The following MLLT10 variants were observed in gnomAD, a reference collection of about 807,000 sequenced individuals.
MLLT10 encodes protein AF-10.
Under a neutral mutation model 129.1 loss-of-function variants are expected in MLLT10, and 30 were observed. That is an observed-to-expected ratio of 0.23 (90% CI 0.17 to 0.32). The LOEUF (loss-of-function observed/expected upper bound fraction) is 0.32. MLLT10 is among the 10% of genes least tolerant of loss of function. MLLT10 has a pLI of 1.00. For synonymous variants in MLLT10, 490 were observed against 446.4 expected, an observed-to-expected ratio of 1.10 and a Z score of -1.23; for missense variants, 1,119 against 1,268.3, an observed-to-expected ratio of 0.88 and a Z score of 1.79.
chr10:21,704,407 A>T (rs2055290417), intron 13 of MLLT10, among the ~76,000 whole-genome samples: 1 of 149,130 alleles, frequency 6.7e-6, no homozygotes, highest in Non-Finnish European at 1.5e-5. Flanking sequence ...TACAGAATAA[A>T]AATAAATAAT....
intron 8 of MLLT10, among the ~76,000 whole-genome samples, chr10:21,624,426 A>AT (rs543672312): frequency 7.4e-4 from 105 of 142,834 alleles, no homozygotes; most frequent in African/African-American, 2.6e-3. Flanking sequence ...AAGAGGAAAA[A>AT]TAAAAAGGCC....
At chr10:21,646,532 A>G (rs114228891) in intron 8 of MLLT10, among the ~76,000 whole-genome samples, 4,429 of 151,164 alleles carry the variant, frequency 0.029, 212 homozygotes, top group African/African-American at 0.1. Context: ...ATAAGAGTCT[A>G]CCTTGTGCTT....
intron 3 of MLLT10, among the ~76,000 whole-genome samples, chr10:21,539,940 C>T (rs763861167): frequency 6.8e-6 from 1 of 147,648 alleles, no homozygotes; most frequent in Non-Finnish European, 1.5e-5. Flanking sequence ...GCAAGACTCT[C>T]AGGAAAGGAA....
At chr10:21,555,831 C>A (rs1436081383) in intron 3 of MLLT10, among the ~76,000 whole-genome samples, 1 of 151,246 alleles carries the variant, frequency 6.6e-6, no homozygotes, top group Non-Finnish European at 1.5e-5. Context: ...CGATGCCCAG[C>A]TAATTTTGTA....
intron 12 of MLLT10, among the ~76,000 whole-genome samples, chr10:21,681,996 A>T (rs2052786802): frequency 6.6e-6 from 1 of 152,216 alleles, no homozygotes; most frequent in African/African-American, 2.4e-5. Context: ...ATGACAATAT[A>T]CCTTAACATA....
At chr10:21,570,167 C>T (rs2040045988) in intron 3 of MLLT10, among the ~76,000 whole-genome samples, 1 of 152,100 alleles carries the variant, frequency 6.6e-6, no homozygotes, top group Non-Finnish European at 1.5e-5. Flanking sequence ...CCTCGGCCTC[C>T]CAAAGTGCTG....
intron 3 of MLLT10, among the ~76,000 whole-genome samples, chr10:21,550,125 G>C (rs2130943722): frequency 6.6e-6 from 1 of 152,280 alleles, no homozygotes; most frequent in East Asian, 1.9e-4. Context: ...ATTGGTAGCT[G>C]CAGAGTCTGT....
chr10:21,566,646 A>T (rs2039613354), intron 3 of MLLT10, among the ~76,000 whole-genome samples: 1 of 150,390 alleles, frequency 6.6e-6, no homozygotes, highest in South Asian at 2.1e-4. Context: ...TGTTTTTTTG[A>T]CTGTTTTTCT....
At chr10:21,587,121 T>C (rs903651269) in intron 4 of MLLT10, among the ~76,000 whole-genome samples, 3 of 151,982 alleles carry the variant, frequency 2.0e-5, no homozygotes, top group African/African-American at 7.2e-5. Context: ...ACTTTTAGGC[T>C]GGGTGTGCTG....
chr10:21,562,223 A>G (rs1252883818), intron 3 of MLLT10, among the ~76,000 whole-genome samples: 2 of 151,986 alleles, frequency 1.3e-5, no homozygotes, highest in Non-Finnish European at 2.9e-5. Flanking sequence ...TTGAGATTCT[A>G]CATGAGTTTT....
chr10:21,610,984 C>CTTTTTTTTTTT (rs71393913), intron 5 of MLLT10, among the ~76,000 whole-genome samples: 248 of 102,834 alleles, frequency 2.4e-3, no homozygotes, highest in Middle Eastern at 0.015. Flanking sequence ...TCTTTTTTCT[C>CTTTTTTTTTTT]TTTTTTTTTT....
intron 13 of MLLT10, chr10:21,708,614 A>T: frequency 3.0e-6 from 3 of 985,340 alleles, no homozygotes; most frequent in South Asian, 4.7e-5. Flanking sequence ...TATTGTTTCA[A>T]AGTGTGATTA....
At chr10:21,536,454 CA>C (rs1308484793) in intron 2 of MLLT10, among the ~76,000 whole-genome samples, 1 of 152,132 alleles carries the variant, frequency 6.6e-6, no homozygotes, top group African/African-American at 2.4e-5. Context: ...AATTTTTATT[CA>C]AATCTTAAAT....
chr10:21,742,170 A>G lies in MLLT10; in HGVS notation c.*187A>G, dbSNP rs1833762739. ...TTTTCTTGTTGCTTTGTTGCACTGA[A>G]ATGGAATTCCCATGCCCCTACCCCT... On this transcript the variant is annotated 3_prime_UTR_variant, in exon 23 of 23. Transcript: ENST00000307729. 3.6e-6 allele frequency: 2 copies of G among 554,180 alleles called. No homozygotes were observed. The highest frequency in any genetic ancestry group is 6.2e-6 in the Non-Finnish European group (2 of 322,172). 34.3% of individuals were successfully genotyped at this position (554,180 alleles called of 1,614,324 possible).
At chr10:21,645,620 T>A (rs2048398210) in intron 8 of MLLT10, among the ~76,000 whole-genome samples, 2 of 152,222 alleles carry the variant, frequency 1.3e-5, no homozygotes, top group African/African-American at 4.8e-5. Context: ...TCTTATATGT[T>A]AGCAAATCTT....
At chr10:21,599,424 T>C (rs1266129101) in intron 5 of MLLT10, among the ~76,000 whole-genome samples, 1 of 152,228 alleles carries the variant, frequency 6.6e-6, no homozygotes, top group East Asian at 1.9e-4. Flanking sequence ...TCTCTATTAC[T>C]GTATCCATCT....
At chr10:21,735,849 C>A (rs1758268334) in intron 21 of MLLT10, among the ~76,000 whole-genome samples, 1 of 152,120 alleles carries the variant, frequency 6.6e-6, no homozygotes, top group Non-Finnish European at 1.5e-5. Context: ...TAGATGATCG[C>A]ATACAGCCTT....
intron 3 of MLLT10, among the ~76,000 whole-genome samples, chr10:21,562,217 G>T (rs1053646446): frequency 2.6e-5 from 4 of 152,038 alleles, no homozygotes; most frequent in African/African-American, 9.7e-5. Flanking sequence ...GGTCCCTTGA[G>T]ATTCTACATG....
intron 9 of MLLT10, among the ~76,000 whole-genome samples, chr10:21,664,034 C>T (rs1202085540): frequency 6.6e-6 from 1 of 152,118 alleles, no homozygotes; most frequent in Non-Finnish European, 1.5e-5. Context: ...ATAAACTTCC[C>T]TCTTAAGTAG....
Sources: gnomAD v4.1 joint callset for allele counts (sites outside exome capture counted in the v4.1 genomes callset) on GRCh38, gnomAD v4.1.1 for gene constraint, MANE v1.5 for transcripts, NCBI Gene and HGNC (gene_info 2026-07-23, HGNC 2026-07-21) for gene names.